Variants in NR2F2 observed in about 807,000 individuals in gnomAD.
NR2F2 encodes the protein nuclear receptor subfamily 2 group F member 2.
Under a neutral mutation model 34.8 loss-of-function variants are expected in NR2F2, and 2 were observed. That is an observed-to-expected ratio of 0.06 (90% confidence interval 0.02 to 0.18). The LOEUF (loss-of-function observed/expected upper bound fraction) is 0.18, where lower values mean the gene tolerates loss of function less well. Ranked by LOEUF, NR2F2 falls within the 10% of genes least tolerant of loss-of-function variation. NR2F2 has a pLI of 1.00. For missense variants in NR2F2, 300 were observed against 580.1 expected (o/e 0.52, Z 4.96); for synonymous variants, 274 against 251.8 (o/e 1.09, Z -0.84).
Position 96,332,248 on chromosome 15 carries a change from C to T in NR2F2, c.143C>T (p.Pro48Leu). The change falls in exon 1 of 3, where the codon CCA becomes CTA. Residue 48 changes from proline to leucine, a missense_variant. Pro to Leu is a moderately conservative substitution (Grantham distance 98). Transcript: ENST00000394166. ...HTPQTPGQGG[P>L]ASTPAQTAAG... is the part of the protein sequence containing the mutation. Reference sequence around the variant, plus strand: ...CCACAGACGCCCGGCCAAGGGGGCCCAGCCAGCACGCCAGCCCAGACGGCG... The same window carrying T: ...CCACAGACGCCCGGCCAAGGGGGCCTAGCCAGCACGCCAGCCCAGACGGCG... 6.5e-7 allele frequency: 1 copy of T among 1,541,292 alleles called. No homozygotes were observed. The highest frequency in any genetic ancestry group is 8.7e-7 in the Non-Finnish European group (1 of 1,144,822).
rs1396875702 is a variant in NR2F2, at chr15:96,338,748, CTT to C, written c.*1128_*1129del. The stretch of plus-strand genomic sequence containing the variant: ...TAATAACTGAACTGTTTGGTCGAGT[CTT>C]TGTGTGTTATATTCCAAGGAAAATT... On this transcript the variant is annotated 3_prime_UTR_variant, in exon 3 of 3. Transcript: ENST00000394166. 3.9e-5 allele frequency: 6 copies of C among 152,112 alleles called. No individual in the cohort carries two copies. Among genetic ancestry groups the C allele is most frequent in the Non-Finnish European group, 7.4e-5 (5 of 67,960 alleles). 9.4% of individuals were successfully genotyped at this position (152,112 alleles called of 1,614,324 possible). A position where few individuals can be genotyped will look rare whatever the true frequency, so the allele number is the denominator to read the frequency against.
Position 96,334,347 on chromosome 15 carries a change from C to A in NR2F2, c.714C>A (p.Ile238=). The A allele has an allele frequency of 6.2e-7, 1 of 1,614,216 alleles. No homozygotes were observed. The highest frequency in any genetic ancestry group is 8.5e-7 in the Non-Finnish European group (1 of 1,180,054). ...TCCCCTTCTTCCCCGACCTGCAGAT[C>A]ACGGACCAGGTGGCCCTGCTTCGCC... ...RNIPFFPDLQ[I]TDQVALLRLT... The change falls in exon 2 of 3, where the codon ATC becomes ATA. Residue 238 remains isoleucine (I), a synonymous_variant. Coordinates refer to ENST00000394166, the MANE Select transcript of NR2F2 (RefSeq NM_021005.4).
Position 96,331,613 on chromosome 15 carries a change from G to T in NR2F2, c.-493G>T. ...CCTCCTCCTCCTCCGCCAACTCCTC[G>T]GCTGCACACCAGCTCTAAGAGCGAG... is the stretch of plus-strand genomic sequence containing the variant. On this transcript the variant is annotated 5_prime_UTR_variant, in exon 1 of 3. Transcript: ENST00000394166. 1 of 1,191,922 alleles carries T rather than the reference G, an allele frequency of 8.4e-7. No homozygotes were observed. The highest frequency in any genetic ancestry group is 1.0e-6 in the Non-Finnish European group (1 of 955,298). The allele number at this position is 1,191,922 out of a possible 1,614,324, so 73.8% of individuals were successfully genotyped here. A position where few individuals can be genotyped will look rare whatever the true frequency, so the allele number is the denominator to read the frequency against.
intron 1 of NR2F2, 45 bp from the exon 2 acceptor site, chr15:96,334,031 T>G (rs776180036): frequency 5.7e-6 from 9 of 1,579,702 alleles, no homozygotes; most frequent in Middle Eastern, 1.7e-4. Flanking sequence ...ACCTGGGGAC[T>G]GAGGCTGGTC....
In NR2F2 at chr15:96,334,559, C is replaced by T. The variant is rs1567138698; in HGVS notation, c.926C>T (p.Ser309Leu). 1 of 1,611,972 alleles carries T rather than the reference C, an allele frequency of 6.2e-7. No individual in the cohort carries two copies. Among genetic ancestry groups the T allele is most frequent in the Non-Finnish European group, 8.5e-7 (1 of 1,179,026 alleles). Residue 309 changes from serine (S) to leucine (L), a missense_variant, in exon 2 of 3, where the codon TCA becomes TTA. Transcript: ENST00000394166. ...VEKLKALHVD[S>L]AEYSCLKAIV... ...AAGCTCAAGGCGCTGCACGTTGACT[C>T]AGCCGAGTACAGCTGCCTCAAGGCC...
chr15:96,330,334 C>T (rs1406412701), upstream of NR2F2, among the ~76,000 whole-genome samples: 1 of 151,934 alleles, frequency 6.6e-6, no homozygotes. Context: ...GGGCGGAAAC[C>T]TCGGGTGCGG....
chr15:96,337,148 T>G (rs913661376), intron 2 of NR2F2, among the ~76,000 whole-genome samples, 200 bp from the exon 3 acceptor site: 4 of 151,656 alleles, frequency 2.6e-5, no homozygotes, highest in Admixed American at 2.0e-4. Flanking sequence ...TGCTCTTTCT[T>G]CCCCCACCCC....
chr15:96,332,351 C>T lies in NR2F2; in HGVS notation c.246C>T (p.Cys82=), dbSNP rs1017555984. The T allele has an allele frequency of 4.1e-5, 66 of 1,609,090 alleles. No homozygotes were observed. The highest frequency in any genetic ancestry group is 5.5e-5 in the Non-Finnish European group (65 of 1,177,678). Residue 82 remains cysteine, a synonymous_variant, in exon 1 of 3, where the codon TGC becomes TGT. Coordinates refer to ENST00000394166, the MANE Select transcript of NR2F2 (RefSeq NM_021005.4). ...AGCAACACATCGAGTGCGTGGTGTGCGGAGACAAGTCGAGCGGCAAGCACT... is the reference window on the plus strand; with the variant it reads ...AGCAACACATCGAGTGCGTGGTGTGTGGAGACAAGTCGAGCGGCAAGCACT... The part of the protein sequence containing the change: ...QQQQHIECVV[C]GDKSSGKHYG...
Position 96,337,823 on chromosome 15 carries a change from A to T in NR2F2, c.*201A>T, listed in dbSNP as rs1596433012. 1 of 200,498 alleles carries T rather than the reference A, an allele frequency of 5.0e-6. No individual in the cohort carries two copies. Among genetic ancestry groups the T allele is most frequent in the Non-Finnish European group, 7.3e-6 (1 of 136,596 alleles). The allele number at this position is 200,498 out of a possible 1,614,324, so 12.4% of individuals were successfully genotyped here. On this transcript the variant is annotated 3_prime_UTR_variant, in exon 3 of 3. Coordinates refer to ENST00000394166, the MANE Select transcript of NR2F2 (RefSeq NM_021005.4). ...AAATGAACTTTTACAGAATGCATTA[A>T]AAAAAAAAAAAAACTCCTGTGTCGG...
rs34678417 is a variant in NR2F2 at position 96,337,775 on chromosome 15, C to CAA, written c.*167_*168dup. On this transcript the variant is annotated 3_prime_UTR_variant, in exon 3 of 3. Transcript: ENST00000394166. ...GAAGAATTTAATGGACTGTGAATTT[C>CAA]AAAAAAAAAAAAAAAGACTGTCAAA... 1.5e-3 allele frequency: 296 copies of CAA among 202,574 alleles called. No homozygotes were observed. The highest frequency in any genetic ancestry group is 0.012 in the Middle Eastern group (6 of 506). 12.5% of individuals were successfully genotyped at this position (202,574 alleles called of 1,614,324 possible). A position where few individuals can be genotyped will look rare whatever the true frequency, so the allele number is the denominator to read the frequency against.
chr15:96,332,525 C>A lies in NR2F2; in HGVS notation c.420C>A (p.Leu140=). 6.2e-7 allele frequency: 1 copy of A among 1,612,528 alleles called. No individual in the cohort carries two copies. The highest frequency in any genetic ancestry group is 8.5e-7 in the Non-Finnish European group (1 of 1,178,646). Residue 140 remains leucine (L), a synonymous_variant, in exon 1 of 3, where the codon CTC becomes CTA. Transcript: ENST00000394166. ...QCQYCRLKKC[L]KVGMRREAVQ... ...AGTACTGCCGCCTCAAAAAGTGCCTCAAAGTGGGCATGAGACGGGAAGGTA... is the reference window on the plus strand; with the variant it reads ...AGTACTGCCGCCTCAAAAAGTGCCTAAAAGTGGGCATGAGACGGGAAGGTA...
upstream of NR2F2, among the ~76,000 whole-genome samples, chr15:96,330,547 G>A (rs892153013): frequency 6.8e-6 from 1 of 147,982 alleles, no homozygotes; most frequent in Admixed American, 6.7e-5. Flanking sequence ...GCCGCAGTCC[G>A]GCCAATGACG....
At position 96,331,222 on chromosome 15, in the gene NR2F2, C is replaced by T. The variant is rs1182247892; in HGVS notation, c.-884C>T. 6.1e-6 allele frequency: 6 copies of T among 982,138 alleles called. No homozygotes were observed. The highest frequency in any genetic ancestry group is 7.2e-6 in the Non-Finnish European group (6 of 828,506). 60.8% of individuals were successfully genotyped at this position (982,138 alleles called of 1,614,324 possible). On this transcript the variant is annotated 5_prime_UTR_variant, in exon 1 of 3. Coordinates refer to ENST00000394166, the MANE Select transcript of NR2F2 (RefSeq NM_021005.4). Reference sequence around the variant, plus strand: ...GCAGGGAACGGCGAGCGGCCTCCACCCAGCGACTGCGGGCGGCGGCGGCCG... The same window carrying T: ...GCAGGGAACGGCGAGCGGCCTCCACTCAGCGACTGCGGGCGGCGGCGGCCG...
rs1464085871 is a variant in NR2F2 at position 96,332,666 on chromosome 15, A to G, written c.442+119A>G. The stretch of plus-strand genomic sequence containing the variant: ...AGCTCTTCTCTTCGTATTGCAGCGG[A>G]AAAGGGTTTTATACTAGAAGCGAGT... On this transcript the variant is annotated intron_variant, in intron 1 of 2. Transcript: ENST00000394166. 1.6e-5 allele frequency: 24 copies of G among 1,464,022 alleles called. No homozygotes were observed. In the Admixed American group the frequency reaches 5.6e-4, roughly 34 times the overall value. The allele number at this position is 1,464,022 out of a possible 1,614,324, so 90.7% of individuals were successfully genotyped here.
chr15:96,337,281 ATTCTTCTTCTTCTTCTTCTTCTTCTTT>A lies in NR2F2; in HGVS notation c.971-47_971-21del, dbSNP rs1899355008. 4.0e-6 allele frequency: 6 copies of A among 1,499,140 alleles called. No individual in the cohort carries two copies. The South Asian group carries it at 7.2e-5, about 18-fold the overall frequency. 92.9% of individuals were successfully genotyped at this position (1,499,140 alleles called of 1,614,324 possible). On this transcript the variant is annotated intron_variant, in intron 2 of 2. Coordinates refer to ENST00000394166, the MANE Select transcript of NR2F2 (RefSeq NM_021005.4). ...TCAAACCTCTTAATCTGATGACTGA[ATTCTTCTTCTTCTTCTTCTTCTTCTTT>A]TTCTTCTTCTTCTTCTTCTGTTTTT...
upstream of NR2F2, among the ~76,000 whole-genome samples, chr15:96,330,400 TCGGCGG>T (rs560453342): frequency 4.0e-4 from 57 of 143,474 alleles, no homozygotes; most frequent in African/African-American, 1.2e-3. Context: ...CATCCCCCTC[TCGGCGG>T]CGGCGGCGGC....
At chr15:96,329,903 A>G (rs1899084186), upstream of NR2F2, among the ~76,000 whole-genome samples, 1 of 152,178 alleles carries the variant, frequency 6.6e-6, no homozygotes. Context: ...TTAAAATGTC[A>G]GGCCACATAC....
At position 96,340,161 on chromosome 15, in the gene NR2F2, C is replaced by T. The variant is rs1899462337; in HGVS notation, c.*2539C>T. On this transcript the variant is annotated 3_prime_UTR_variant, in exon 3 of 3. Coordinates refer to ENST00000394166, the MANE Select transcript of NR2F2 (RefSeq NM_021005.4). ...TTTCTCTAATAAGTAAAACACAGGC[C>T]CTTTTCCTTGTTTGTTTTGTGTTAG... The T allele has an allele frequency of 6.6e-6, 1 of 152,040 alleles. No individual in the cohort carries two copies. Among genetic ancestry groups the T allele is most frequent in the African/African-American group, 2.4e-5 (1 of 41,392 alleles). The allele number at this position is 152,040 out of a possible 1,614,324, so 9.4% of individuals were successfully genotyped here. A position where few individuals can be genotyped will look rare whatever the true frequency, so the allele number is the denominator to read the frequency against.
At position 96,333,596 on chromosome 15, in the gene NR2F2, C is replaced by A; in HGVS notation, c.443-480C>A. ...CCCCGCCGGGCTGGGGCTGGGGCTTCGGGGTTTGTGGGAGAGTCGTTCCGG... is the reference window on the plus strand; with the variant it reads ...CCCCGCCGGGCTGGGGCTGGGGCTTAGGGGTTTGTGGGAGAGTCGTTCCGG... On this transcript the variant is annotated intron_variant, in intron 1 of 2. Transcript: ENST00000394166. The A allele has an allele frequency of 4.0e-6, 4 of 1,011,400 alleles. No individual in the cohort carries two copies. The South Asian group carries it at 1.8e-4, about 45-fold the overall frequency. The allele number at this position is 1,011,400 out of a possible 1,614,324, so 62.7% of individuals were successfully genotyped here. A position where few individuals can be genotyped will look rare whatever the true frequency, so the allele number is the denominator to read the frequency against.
Sources: gnomAD v4.1 joint callset for allele counts (sites outside exome capture counted in the v4.1 genomes callset) on GRCh38, gnomAD v4.1.1 for gene constraint, MANE v1.5 for transcripts, NCBI Gene and HGNC (gene_info 2026-07-23, HGNC 2026-07-21) for gene names.